Variants in C7orf78 observed in about 807,000 individuals in gnomAD.
C7orf78 encodes the protein putative uncharacterized protein C7orf78.
At chr7:12,529,757 GA>G in the C7orf78 span, among the ~76,000 whole-genome samples, 1 of 152,214 alleles carries the variant, frequency 6.6e-6, no homozygotes, top group African/African-American at 2.4e-5. Flanking sequence ...GCATAGCCGG[GA>G]ACGTTCTTGG....
chr7:12,486,848 A>C, the C7orf78 span: 2 of 151,992 alleles, frequency 1.3e-5, no homozygotes, highest in Admixed American at 6.6e-5. Context: ...TTTAAGAATA[A>C]AACTACTTTT....
At chr7:12,517,430 C>T in the C7orf78 span, among the ~76,000 whole-genome samples, 9,467 of 152,204 alleles carry the variant, frequency 0.062, 348 homozygotes, top group African/African-American at 0.11. Flanking sequence ...AAATCTCTTG[C>T]TAGACTTTGG....
At chr7:12,485,108 C>T in the C7orf78 span, among the ~76,000 whole-genome samples, 279 of 144,704 alleles carry the variant, frequency 1.9e-3, no homozygotes, top group African/African-American at 6.7e-3. Context: ...ATAATTTGCA[C>T]GTCATAGGGC....
chr7:12,516,655 G>A, the C7orf78 span, among the ~76,000 whole-genome samples: 4 of 152,196 alleles, frequency 2.6e-5, no homozygotes, highest in African/African-American at 9.6e-5. Context: ...AAAGCCACAG[G>A]GGAGGAGCTG....
At chr7:12,488,970 C>A in the C7orf78 span, among the ~76,000 whole-genome samples, 1 of 147,252 alleles carries the variant, frequency 6.8e-6, no homozygotes, top group African/African-American at 2.5e-5. Flanking sequence ...TATTTGACTA[C>A]CTTTTATTGC....
chr7:12,505,885 A>C, the C7orf78 span: 2 of 152,242 alleles, frequency 1.3e-5, no homozygotes, highest in Non-Finnish European at 2.9e-5. Flanking sequence ...ATAGAAGCTT[A>C]ATTTTACATA....
At chr7:12,532,266 C>T in the C7orf78 span, among the ~76,000 whole-genome samples, 3 of 152,198 alleles carry the variant, frequency 2.0e-5, no homozygotes, top group African/African-American at 7.2e-5. Context: ...AAAGAAAAAC[C>T]TGGCCGGGCA....
chr7:12,529,286 T>C, the C7orf78 span, among the ~76,000 whole-genome samples: 6 of 152,312 alleles, frequency 3.9e-5, no homozygotes, highest in South Asian at 2.1e-4. Flanking sequence ...TGGGAAAATA[T>C]AGAATAGTAG....
At chr7:12,526,407 A>C in the C7orf78 span, among the ~76,000 whole-genome samples, 1 of 152,158 alleles carries the variant, frequency 6.6e-6, no homozygotes, top group Non-Finnish European at 1.5e-5. Context: ...TTAAGTGTTA[A>C]TTCAGAGTTA....
the C7orf78 span, chr7:12,491,777 A>G: frequency 6.6e-6 from 1 of 152,198 alleles, no homozygotes; most frequent in African/African-American, 2.4e-5. Context: ...AGAAGCCCAT[A>G]TAAATGCATT....
chr7:12,530,348 AAAGTATATTT>A, the C7orf78 span: 1 of 152,188 alleles, frequency 6.6e-6, no homozygotes, highest in Non-Finnish European at 1.5e-5. Context: ...AGATGCCAAA[AAAGTATATTT>A]GGGGGTAAAA....
chr7:12,517,618 A>G, the C7orf78 span, among the ~76,000 whole-genome samples: 1 of 152,220 alleles, frequency 6.6e-6, no homozygotes, highest in Middle Eastern at 3.4e-3. Context: ...GGTTATTTCA[A>G]AAGACCTGTC....
the C7orf78 span, among the ~76,000 whole-genome samples, chr7:12,497,653 G>T: frequency 3.9e-5 from 6 of 152,232 alleles, no homozygotes; most frequent in South Asian, 1.0e-3. Flanking sequence ...AGCGAGGCTG[G>T]GGGAGGGGCG....
At chr7:12,487,978 G>A in the C7orf78 span, among the ~76,000 whole-genome samples, 990 of 152,018 alleles carry the variant, frequency 6.5e-3, 15 homozygotes, top group African/African-American at 0.023. Flanking sequence ...TTATCCCATC[G>A]TCTTAGAATC....
the C7orf78 span, among the ~76,000 whole-genome samples, chr7:12,520,150 C>T: frequency 6.6e-6 from 1 of 152,242 alleles, no homozygotes; most frequent in Admixed American, 6.5e-5. Flanking sequence ...CACAGCCAAT[C>T]TTGGCCAAGC....
chr7:12,537,556 T>G, the C7orf78 span, among the ~76,000 whole-genome samples: 2 of 152,180 alleles, frequency 1.3e-5, no homozygotes, highest in African/African-American at 4.8e-5. Context: ...AAAAATATTT[T>G]GCAATATATT....
chr7:12,497,783 G>T, the C7orf78 span, among the ~76,000 whole-genome samples: 2 of 151,532 alleles, frequency 1.3e-5, no homozygotes, highest in Non-Finnish European at 2.9e-5. Flanking sequence ...TGGGGGCAGG[G>T]CACAGACAAA....
At chr7:12,528,898 C>G in the C7orf78 span, 10 of 398,362 alleles carry the variant, frequency 2.5e-5, no homozygotes, top group African/African-American at 1.2e-4. Flanking sequence ...CTTCCTATCT[C>G]TAGTACATGG....
At chr7:12,501,719 T>G in the C7orf78 span, among the ~76,000 whole-genome samples, 1 of 150,002 alleles carries the variant, frequency 6.7e-6, no homozygotes, top group African/African-American at 2.5e-5. Context: ...TTCACAGAAT[T>G]GGAAAAAACT....
Sources: allele counts gnomAD v4.1 joint callset (sites outside exome capture counted in the v4.1 genomes callset), GRCh38; gene constraint gnomAD v4.1.1; transcripts MANE v1.5; gene names NCBI Gene and HGNC (gene_info 2026-07-23, HGNC 2026-07-21).